Variants in RPA1 observed in about 807,000 individuals in gnomAD.
The protein encoded by RPA1 is replication protein A 70 kDa DNA-binding subunit.
RPA1 carries 49 observed loss-of-function variants against 83.0 expected under a neutral mutation model. The observed-to-expected ratio is 0.59, with a 90% confidence interval of 0.47 to 0.75. The LOEUF is 0.75. Ranked by LOEUF, RPA1 falls within the 30% of genes least tolerant of loss-of-function variation. RPA1 has a pLI of 0.00. For missense variants in RPA1, 693 were observed against 776.1 expected (o/e 0.89, Z 1.27); for synonymous variants, 279 against 281.8 (o/e 0.99, Z 0.10).
At chr17:1,860,798 G>A (rs372444555) in intron 5 of RPA1, among the ~76,000 whole-genome samples, 5 of 152,128 alleles carry the variant, frequency 3.3e-5, no homozygotes, top group Admixed American at 2.6e-4. Context: ...ATTGGGATTC[G>A]TACCTCGTTG....
chr17:1,840,688 C>G (rs1190587756), intron 1 of RPA1, among the ~76,000 whole-genome samples: 1 of 152,206 alleles, frequency 6.6e-6, no homozygotes, highest in Non-Finnish European at 1.5e-5. Flanking sequence ...GGATTATAGG[C>G]AAGAGCCGCC....
intron 13 of RPA1, among the ~76,000 whole-genome samples, chr17:1,888,034 T>TA (rs1455388079): frequency 1.3e-5 from 2 of 152,112 alleles, no homozygotes; most frequent in African/African-American, 2.4e-5. Context: ...CTTCAATCTG[T>TA]AAAAAATGCC....
At position 1,886,644 on chromosome 17, in the gene RPA1, C is replaced by T. The variant is rs368134987; in HGVS notation, c.1375-2031C>T. On this transcript the variant is annotated intron_variant, in intron 13 of 16. Coordinates refer to ENST00000254719, the MANE Select transcript of RPA1 (RefSeq NM_002945.5). ...TCACCTTGCACTTTTGTTATGGTGA[C>T]GGCTTATTTCCTTAAACCTCATGAA... Among the ~76,000 whole-genome samples, 229 of 151,764 alleles carry T rather than the reference C, an allele frequency of 1.5e-3. 5 individuals are homozygous for T. The South Asian group carries it at 0.045, about 30-fold the overall frequency.
intron 16 of RPA1, among the ~76,000 whole-genome samples, chr17:1,895,839 T>C (rs1914398311): frequency 6.6e-6 from 1 of 151,814 alleles, no homozygotes; most frequent in Non-Finnish European, 1.5e-5. Context: ...CCCGCCACCA[T>C]GCCCGGCTAA....
Position 1,879,189 on chromosome 17 carries a change from G to T in RPA1, c.760-26G>T, listed in dbSNP as rs200052034. On this transcript the variant is annotated intron_variant, in intron 9 of 16. Transcript: ENST00000254719. ...CTGTCCGATTTGATGGTAGTCTCAG[G>T]TTCTGTGGCTTGGCCTCCTTCGCAG... The T allele has an allele frequency of 4.2e-5, 68 of 1,611,468 alleles. 3 individuals are homozygous for T. In the Middle Eastern group the frequency reaches 9.9e-4, roughly 24 times the overall value.
intron 1 of RPA1, among the ~76,000 whole-genome samples, chr17:1,838,747 T>C (rs186065178): frequency 6.4e-4 from 97 of 152,370 alleles, no homozygotes; most frequent in South Asian, 3.5e-3. Context: ...TTATCTATGA[T>C]ATATAGCTCT....
intron 1 of RPA1, among the ~76,000 whole-genome samples, chr17:1,840,219 G>A (rs9894475): frequency 6.6e-6 from 1 of 152,076 alleles, no homozygotes; most frequent in Admixed American, 6.5e-5. Context: ...CTACAGCCTA[G>A]ACCTCCTGGG....
At chr17:1,840,991 C>T (rs12449848) in intron 1 of RPA1, among the ~76,000 whole-genome samples, 22,587 of 152,056 alleles carry the variant, frequency 0.15, 2,331 homozygotes, top group East Asian at 0.41. Context: ...TGCTTGAACC[C>T]GGGCATTAGA....
At chr17:1,844,733 C>G (rs759356600) in intron 4 of RPA1, 47 bp downstream of exon 4, 1 of 1,441,872 alleles carries the variant, frequency 6.9e-7, no homozygotes, top group African/African-American at 1.4e-5. Flanking sequence ...AGAATGGGAA[C>G]AAATTTAGGA....
At chr17:1,867,191 C>T (rs530042999) in intron 5 of RPA1, among the ~76,000 whole-genome samples, 8 of 151,534 alleles carry the variant, frequency 5.3e-5, no homozygotes, top group African/African-American at 1.7e-4. Context: ...TTAAAATGAG[C>T]GAATTTGTTA....
intron 4 of RPA1, among the ~76,000 whole-genome samples, chr17:1,845,405 C>T (rs1301971948): frequency 6.6e-6 from 1 of 151,382 alleles, no homozygotes; most frequent in Non-Finnish European, 1.5e-5. Context: ...GGTGTGGCGG[C>T]ACACGCTACA....
chr17:1,872,292 T>G, intron 5 of RPA1, 142 bp from the exon 6 acceptor site: 1 of 1,272,902 alleles, frequency 7.9e-7, no homozygotes, highest in Non-Finnish European at 1.1e-6. Flanking sequence ...TGCCATGGAA[T>G]GCCTCAGCAC....
intron 6 of RPA1, among the ~76,000 whole-genome samples, chr17:1,874,032 T>TATATATATACACACAC (rs1171343408): frequency 4.0e-4 from 32 of 79,256 alleles, no homozygotes; most frequent in African/African-American, 1.8e-3. Context: ...TATATATATA[T>TATATATATACACACAC]ACACACACAC....
At chr17:1,888,945 T>G in intron 14 of RPA1, 94 bp downstream of exon 14, 1 of 1,350,640 alleles carries the variant, frequency 7.4e-7, no homozygotes, top group Non-Finnish European at 1.0e-6. Context: ...GACAAAGCAT[T>G]CCTGGTAGGA....
At chr17:1,839,802 T>G (rs1464396506) in intron 1 of RPA1, among the ~76,000 whole-genome samples, 1 of 138,504 alleles carries the variant, frequency 7.2e-6, no homozygotes, top group Non-Finnish European at 1.5e-5. Flanking sequence ...TTTTTTTTTT[T>G]TTTTTTTTTT....
In RPA1 at chr17:1,877,275, G is replaced by A. The variant is rs780060924; in HGVS notation, c.651G>A (p.Gly217=). 1 of 1,614,198 alleles carries A rather than the reference G, an allele frequency of 6.2e-7. No homozygotes were observed. The highest frequency in any genetic ancestry group is 1.7e-5 in the Admixed American group (1 of 60,018). Residue 217 remains glycine, a synonymous_variant, in exon 8 of 17, where the codon GGG becomes GGA. Coordinates refer to ENST00000254719, the MANE Select transcript of RPA1 (RefSeq NM_002945.5). ...TCCGTACCTGGAGCAACTCCCGAGG[G>A]GAAGGGAAGCTTTTCTCCCTAGAAC... ...SQIRTWSNSR[G]EGKLFSLELV...
intron 4 of RPA1, among the ~76,000 whole-genome samples, chr17:1,848,085 AGT>A (rs1912330743): frequency 6.6e-6 from 1 of 152,036 alleles, no homozygotes; most frequent in African/African-American, 2.4e-5. Context: ...GGGGTGGTAG[AGT>A]GTGGAGTGAC....
intron 3 of RPA1, among the ~76,000 whole-genome samples, 168 bp from the exon 4 acceptor site, chr17:1,844,410 T>C (rs1912178244): frequency 1.3e-5 from 2 of 152,184 alleles, no homozygotes; most frequent in Non-Finnish European, 2.9e-5. Context: ...TAGCAGCAAA[T>C]GTTTAACAGG....
At chr17:1,857,753 G>C (rs1267710183) in intron 5 of RPA1, among the ~76,000 whole-genome samples, 86 of 141,314 alleles carry the variant, frequency 6.1e-4, no homozygotes, top group African/African-American at 2.1e-3. Context: ...ACAAATCAAA[G>C]CCCAATATGG....
Sources: gnomAD v4.1 joint callset for allele counts (sites outside exome capture counted in the v4.1 genomes callset) on GRCh38, gnomAD v4.1.1 for gene constraint, MANE v1.5 for transcripts, NCBI Gene and HGNC (gene_info 2026-07-23, HGNC 2026-07-21) for gene names.